Variants in PACS1 observed in about 807,000 individuals in gnomAD.
The protein encoded by PACS1 is PACS-1.
PACS1 carries 24 observed loss-of-function variants against 115.0 expected under a neutral mutation model. That is an observed-to-expected ratio of 0.21 (90% CI 0.15 to 0.29). The LOEUF is 0.29. Among genes scored for constraint, PACS1 ranks in the 10% least tolerant of loss-of-function variants. PACS1 has a pLI of 1.00. For synonymous variants in PACS1, 453 were observed against 504.5 expected (o/e 0.90, Z 1.37); for missense variants, 838 against 1,251.2 (o/e 0.67, Z 4.98).
rs915203706 is a variant in PACS1 at position 66,091,488 on chromosome 11, A to ATTG, written c.356+20661_356+20663dup. Reference sequence around the variant, plus strand: ...AAATTCCCCAGTAGTTTTTTTTCTCATTGTTGTTGTTGTTGTTTTTTTTCT... The same window carrying ATTG: ...AAATTCCCCAGTAGTTTTTTTTCTCATTGTTGTTGTTGTTGTTGTTTTTTTTCT... On this transcript the variant is annotated intron_variant, in intron 1 of 23. Transcript: ENST00000320580. 4.1e-4 allele frequency among the ~76,000 whole-genome samples: 59 copies of ATTG among 142,568 alleles called. 1 individual carries two copies. Among genetic ancestry groups the ATTG allele is most frequent in the African/African-American group, 2.9e-4 (11 of 38,054 alleles). 93.5% of individuals were successfully genotyped at this position (142,568 alleles called of 152,430 possible). A position where few individuals can be genotyped will look rare whatever the true frequency, so the allele number is the denominator to read the frequency against.
chr11:66,171,546 G>A (rs942414432), intron 1 of PACS1, among the ~76,000 whole-genome samples: 2 of 149,412 alleles, frequency 1.3e-5, no homozygotes, highest in East Asian at 1.9e-4. Context: ...TTTTGAATTC[G>A]TTGGTGGTTT....
At chr11:66,205,658 A>ATT (rs535345581) in intron 2 of PACS1, among the ~76,000 whole-genome samples, 64 of 139,002 alleles carry the variant, frequency 4.6e-4, no homozygotes, top group African/African-American at 1.3e-3. Context: ...AATACTCTTA[A>ATT]TTTTTTTTTT....
At chr11:66,156,322 G>A (rs1253473004) in intron 1 of PACS1, among the ~76,000 whole-genome samples, 3 of 142,922 alleles carry the variant, frequency 2.1e-5, no homozygotes, top group South Asian at 2.3e-4. Flanking sequence ...GTGTGATCTC[G>A]GCTCACTGCA....
In PACS1 at chr11:66,166,478, C is replaced by T. The variant is rs184895347; in HGVS notation, c.357-27008C>T. 1.8e-3 allele frequency among the ~76,000 whole-genome samples: 254 copies of T among 143,196 alleles called. 1 individual carries two copies. Among genetic ancestry groups the T allele is most frequent in the Non-Finnish European group, 3.0e-3 (207 of 67,974 alleles). The allele number at this position is 143,196 out of a possible 152,430, so 93.9% of individuals were successfully genotyped here. On this transcript the variant is annotated intron_variant, in intron 1 of 23. Coordinates refer to ENST00000320580, the MANE Select transcript of PACS1 (RefSeq NM_018026.4). ...CACATCTTACAGCTGTCGTCATTTG[C>T]CATGCACTAGACATCCTTGCCTTGT...
intron 1 of PACS1, among the ~76,000 whole-genome samples, chr11:66,093,516 C>T (rs1857711581): frequency 1.4e-5 from 2 of 140,992 alleles, no homozygotes. Flanking sequence ...TATATATGCA[C>T]CCAATACAGG....
chr11:66,149,986 C>T (rs950694283), intron 1 of PACS1, among the ~76,000 whole-genome samples: 3 of 151,782 alleles, frequency 2.0e-5, no homozygotes, highest in African/African-American at 4.8e-5. Flanking sequence ...CCACCTCAGG[C>T]GATCCACCCG....
At chr11:66,132,702 T>C (rs1008672964) in intron 1 of PACS1, among the ~76,000 whole-genome samples, 2 of 152,178 alleles carry the variant, frequency 1.3e-5, no homozygotes, top group Admixed American at 6.5e-5. Context: ...GGAGTTTTAC[T>C]CTCTTGCCCA....
intron 1 of PACS1, among the ~76,000 whole-genome samples, chr11:66,128,167 G>A (rs553754433): frequency 9.2e-5 from 14 of 152,244 alleles, no homozygotes; most frequent in African/African-American, 3.1e-4. Context: ...ACAAAATGAA[G>A]AAAATGTGAG....
chr11:66,191,878 C>T (rs974855035), intron 1 of PACS1, among the ~76,000 whole-genome samples: 2 of 152,012 alleles, frequency 1.3e-5, no homozygotes, highest in African/African-American at 4.8e-5. Context: ...CAAAAATTAG[C>T]CAGACATGAT....
intron 1 of PACS1, among the ~76,000 whole-genome samples, chr11:66,174,857 TA>T (rs1859817388): frequency 6.6e-6 from 1 of 151,824 alleles, no homozygotes. Flanking sequence ...ACGTTTAAAA[TA>T]GGTGAATTTT....
At chr11:66,150,776 G>A (rs1452673046) in intron 1 of PACS1, among the ~76,000 whole-genome samples, 2 of 152,208 alleles carry the variant, frequency 1.3e-5, no homozygotes, top group Non-Finnish European at 2.9e-5. Flanking sequence ...ACAATTGAAA[G>A]ATCTGGGTAA....
Position 66,234,214 on chromosome 11 carries a change from G to C in PACS1, c.2076G>C (p.Leu692=), listed in dbSNP as rs1273061132. 1.2e-6 allele frequency: 2 copies of C among 1,613,982 alleles called. No individual in the cohort carries two copies. The highest frequency in any genetic ancestry group is 2.2e-5 in the South Asian group (2 of 91,084). The stretch of plus-strand genomic sequence containing the variant: ...TCCTGGATTCTGGTTGGAGAGATCT[G>C]TTCAGTCGCTCGGAGCCACCAGTGT... The part of the protein sequence containing the change: ...SSFLDSGWRD[L]FSRSEPPVSE... Residue 692 remains leucine (L), a synonymous_variant, in exon 17 of 24, where the codon CTG becomes CTC. Coordinates refer to ENST00000320580, the MANE Select transcript of PACS1 (RefSeq NM_018026.4).
At position 66,233,460 on chromosome 11, in the gene PACS1, A is replaced by G. The variant is rs1283879758; in HGVS notation, c.1839-325A>G. Among the ~76,000 whole-genome samples, 2 of 152,206 alleles carry G rather than the reference A, an allele frequency of 1.3e-5. No homozygotes were observed. The highest frequency in any genetic ancestry group is 2.4e-5 in the African/African-American group (1 of 41,460). On this transcript the variant is annotated intron_variant, in intron 15 of 23. Transcript: ENST00000320580. The surrounding 1 kb of genome is among the most constrained non-coding windows in gnomAD (Gnocchi z 4.5). The stretch of plus-strand genomic sequence containing the variant: ...CCCTCAGGGCCTTCTTAAAAGGCCC[A>G]AGTCCCTTGCCCTTGTGAAAGAGAA...
At chr11:66,192,230 C>G (rs866258635) in intron 1 of PACS1, among the ~76,000 whole-genome samples, 1 of 152,182 alleles carries the variant, frequency 6.6e-6, no homozygotes. Flanking sequence ...ATACTGTGCC[C>G]AGCATTTGGG....
chr11:66,236,399 G>A lies in PACS1; in HGVS notation c.2250+459G>A, dbSNP rs1855705413. ...GGCTCACGGGAAAGGGAGCTGCTTTGGTAGTAGTGGAAGGCAGCATTCAGA... is the reference window on the plus strand; with the variant it reads ...GGCTCACGGGAAAGGGAGCTGCTTTAGTAGTAGTGGAAGGCAGCATTCAGA... On this transcript the variant is annotated intron_variant, in intron 19 of 23. Coordinates refer to ENST00000320580, the MANE Select transcript of PACS1 (RefSeq NM_018026.4). The surrounding 1 kb of genome is among the most constrained non-coding windows in gnomAD (Gnocchi z 4.2). Among the ~76,000 whole-genome samples the A allele has an allele frequency of 6.6e-6, 1 of 152,226 alleles. No individual in the cohort carries two copies. The highest frequency in any genetic ancestry group is 2.1e-4 in the South Asian group (1 of 4,832).
intron 8 of PACS1, among the ~76,000 whole-genome samples, chr11:66,220,014 G>A (rs1189608082): frequency 1.3e-5 from 2 of 152,020 alleles, no homozygotes; most frequent in East Asian, 1.9e-4. Flanking sequence ...TGCACACAAC[G>A]CAGGGCAGCA....
chr11:66,227,618 T>G (rs1320861870), intron 11 of PACS1, 34 bp downstream of exon 11: 9 of 1,362,710 alleles, frequency 6.6e-6, no homozygotes, highest in African/African-American at 2.9e-5. Context: ...TTCAGCTGTT[T>G]CAAATAGTGT....
At chr11:66,186,335 C>T (rs780243821) in intron 1 of PACS1, among the ~76,000 whole-genome samples, 31 of 151,916 alleles carry the variant, frequency 2.0e-4, no homozygotes, top group Non-Finnish European at 2.8e-4. Context: ...TGTGAAGCAG[C>T]CCCACATAGG....
chr11:66,163,767 T>C (rs141358526), intron 1 of PACS1, among the ~76,000 whole-genome samples: 13 of 152,294 alleles, frequency 8.5e-5, no homozygotes, highest in South Asian at 4.1e-4. Context: ...TGTTTGTTTC[T>C]AAAGCAAAAT....
Sources: gnomAD v4.1 joint callset for allele counts (sites outside exome capture counted in the v4.1 genomes callset) on GRCh38, gnomAD v4.1.1 for gene constraint, Gnocchi (gnomAD v3.1) non-coding constraint, MANE v1.5 for transcripts, NCBI Gene and HGNC (gene_info 2026-07-23, HGNC 2026-07-21) for gene names.